Variants in VAV3 observed in about 807,000 individuals in gnomAD.
The protein encoded by VAV3 is vav guanine nucleotide exchange factor 3.
In VAV3, 94 loss-of-function variants were observed where a neutral mutation model predicts 131.2. The observed-to-expected ratio is 0.72, with a 90% CI of 0.61 to 0.85. The LOEUF (loss-of-function observed/expected upper bound fraction) is 0.85. Among genes scored for constraint, VAV3 ranks in the 40% least tolerant of loss-of-function variants. The pLI, the probability that VAV3 is intolerant of heterozygous loss-of-function variation, is 0.00. For missense variants in VAV3, 939 were observed against 1,002.7 expected, an observed-to-expected ratio of 0.94 and a Z score of 0.86; for synonymous variants, 349 against 342.0, an observed-to-expected ratio of 1.02 and a Z score of -0.22.
intron 20 of VAV3, among the ~76,000 whole-genome samples, chr1:107,627,907 C>T (rs1654149385): frequency 6.6e-6 from 1 of 152,116 alleles, no homozygotes. Context: ...TCATTCCAGA[C>T]CTATGGACTG....
At chr1:107,889,558 G>C (rs1325180117) in intron 1 of VAV3, among the ~76,000 whole-genome samples, 2 of 152,102 alleles carry the variant, frequency 1.3e-5, no homozygotes, top group African/African-American at 4.8e-5. Flanking sequence ...GGTTTAGGCA[G>C]AAAGAGCTAT....
chr1:107,732,691 G>A (rs1662328618), intron 15 of VAV3, among the ~76,000 whole-genome samples: 1 of 152,180 alleles, frequency 6.6e-6, no homozygotes, highest in South Asian at 2.1e-4. Flanking sequence ...GGCCTGAGTA[G>A]GTAAACAAAG....
chr1:107,906,195 A>C (rs1210382726), intron 1 of VAV3, among the ~76,000 whole-genome samples: 2 of 152,206 alleles, frequency 1.3e-5, no homozygotes, highest in Non-Finnish European at 2.9e-5. Context: ...CACTTACAGA[A>C]ATGCAGAAGG....
intron 20 of VAV3, among the ~76,000 whole-genome samples, chr1:107,641,504 A>C (rs1028962112): frequency 1.3e-5 from 2 of 152,190 alleles, no homozygotes; most frequent in Non-Finnish European, 2.9e-5. Context: ...AGCTTTACTC[A>C]ATCTTAACAT....
At position 107,688,573 on chromosome 1, in the gene VAV3, C is replaced by T. The variant is rs535162230; in HGVS notation, c.1706-167G>A. ...GGCTGGGCTAGTAATTATTTTGCAA[C>T]CTTGGTTCTCTTACCCTATTGGCTT... On this transcript the variant is annotated intron_variant, in intron 17 of 26. Coordinates refer to ENST00000370056, the MANE Select transcript of VAV3 (RefSeq NM_006113.5). 1,993 of 1,497,880 alleles carry T rather than the reference C, an allele frequency of 1.3e-3. 35 individuals are homozygous for T. In the South Asian group the frequency reaches 0.024, roughly 18 times the overall value. The allele number at this position is 1,497,880 out of a possible 1,614,324, so 92.8% of individuals were successfully genotyped here. A position where few individuals can be genotyped will look rare whatever the true frequency, so the allele number is the denominator to read the frequency against.
intron 2 of VAV3, among the ~76,000 whole-genome samples, chr1:107,779,856 T>A (rs899148037): frequency 3.9e-5 from 6 of 152,178 alleles, no homozygotes; most frequent in Non-Finnish European, 5.9e-5. Context: ...TAGTACCCAC[T>A]AGCCACATGA....
intron 19 of VAV3, among the ~76,000 whole-genome samples, chr1:107,660,084 A>G (rs1291871079): frequency 6.6e-6 from 1 of 152,150 alleles, no homozygotes; most frequent in African/African-American, 2.4e-5. Flanking sequence ...CCCACGGATC[A>G]TCTAATTCAC....
At chr1:107,932,978 G>A (rs1489693006) in intron 1 of VAV3, among the ~76,000 whole-genome samples, 1 of 152,170 alleles carries the variant, frequency 6.6e-6, no homozygotes, top group Non-Finnish European at 1.5e-5. Flanking sequence ...GTTATTATCA[G>A]CCACTAAATT....
intron 2 of VAV3, among the ~76,000 whole-genome samples, chr1:107,798,444 C>A (rs1169976196): frequency 1.3e-5 from 2 of 151,708 alleles, no homozygotes; most frequent in Non-Finnish European, 2.9e-5. Flanking sequence ...CGAGGCCAGG[C>A]GTGGTGGCTC....
chr1:107,695,357 A>G (rs1659680718), intron 17 of VAV3, among the ~76,000 whole-genome samples: 1 of 152,180 alleles, frequency 6.6e-6, no homozygotes, highest in Non-Finnish European at 1.5e-5. Flanking sequence ...TGAGTTGTTC[A>G]AGCAAGAGAC....
At chr1:107,586,799 T>C (rs1463484320) in intron 25 of VAV3, among the ~76,000 whole-genome samples, 2 of 152,162 alleles carry the variant, frequency 1.3e-5, no homozygotes, top group East Asian at 1.9e-4. Context: ...CAATGCATTA[T>C]TTTTATAGTA....
intron 1 of VAV3, among the ~76,000 whole-genome samples, chr1:107,917,187 C>T (rs903062100): frequency 9.2e-5 from 14 of 152,244 alleles, no homozygotes; most frequent in South Asian, 2.1e-4. Context: ...CAAGAACCCA[C>T]GCAAGAGATG....
At chr1:107,861,792 G>A (rs1347691980) in intron 2 of VAV3, among the ~76,000 whole-genome samples, 1 of 151,624 alleles carries the variant, frequency 6.6e-6, no homozygotes, top group African/African-American at 2.4e-5. Context: ...CTCAGAAGCA[G>A]CAAGCAGCAT....
intron 20 of VAV3, among the ~76,000 whole-genome samples, chr1:107,633,683 AC>A (rs1654685359): frequency 6.6e-6 from 1 of 152,148 alleles, no homozygotes; most frequent in Non-Finnish European, 1.5e-5. Flanking sequence ...GTAATTCTGC[AC>A]CAGCTCTGGT....
chr1:107,898,590 G>C (rs1342741836), intron 1 of VAV3, among the ~76,000 whole-genome samples: 3 of 151,998 alleles, frequency 2.0e-5, no homozygotes, highest in Admixed American at 2.0e-4. Flanking sequence ...AATCTCTAGG[G>C]TCCCTGCAGG....
At chr1:107,753,707 G>T (rs537339947) in intron 12 of VAV3, among the ~76,000 whole-genome samples, 2 of 151,132 alleles carry the variant, frequency 1.3e-5, no homozygotes, top group South Asian at 2.1e-4. Context: ...CTACAGGCAC[G>T]TGCCACCATG....
chr1:107,661,071 A>G (rs1656975791), intron 19 of VAV3, among the ~76,000 whole-genome samples: 2 of 152,298 alleles, frequency 1.3e-5, no homozygotes, highest in South Asian at 4.2e-4. Flanking sequence ...ATAGGCCACA[A>G]TATTAACAAT....
intron 25 of VAV3, among the ~76,000 whole-genome samples, chr1:107,595,705 T>C (rs1407884262): frequency 6.6e-6 from 1 of 152,172 alleles, no homozygotes; most frequent in East Asian, 1.9e-4. Flanking sequence ...CAGCTCATTC[T>C]GAAAGAAAGT....
At chr1:107,604,912 T>C (rs1652150176) in intron 22 of VAV3, among the ~76,000 whole-genome samples, 1 of 152,184 alleles carries the variant, frequency 6.6e-6, no homozygotes, top group Admixed American at 6.5e-5. Context: ...TTCTAAACAA[T>C]TATATGACAA....
Sources: allele counts gnomAD v4.1 joint callset (sites outside exome capture counted in the v4.1 genomes callset), GRCh38; gene constraint gnomAD v4.1.1; transcripts MANE v1.5; gene names NCBI Gene and HGNC (gene_info 2026-07-23, HGNC 2026-07-21).